EMILIN2: variants seen among roughly 807,000 people sequenced by gnomAD.
EMILIN2 encodes elastin microfibril interfacer 2.
A neutral mutation model predicts 87.1 loss-of-function variants in EMILIN2; 71 were observed. The ratio of observed to expected loss-of-function variants is 0.82; its 90% CI spans 0.67 to 0.99. EMILIN2 has a LOEUF of 0.99. EMILIN2 is among the 50% of genes least tolerant of loss of function. The pLI, the probability that EMILIN2 is intolerant of heterozygous loss-of-function variation, is 0.00. For synonymous variants in EMILIN2, 581 were observed against 563.4 expected (o/e 1.03, Z -0.44); for missense variants, 1,407 against 1,371.8 (o/e 1.03, Z -0.40).
rs1481405685 is a variant in EMILIN2, at chr18:2,848,869, G to A, written c.257+938G>A. 1.3e-5 allele frequency among the ~76,000 whole-genome samples: 2 copies of A among 152,210 alleles called. No individual in the cohort carries two copies. The highest frequency in any genetic ancestry group is 1.5e-5 in the Non-Finnish European group (1 of 68,042). ...CTGTCTTTGGCAAAACCAAGGGACAGACTGGAACTTGTACTCCAGGAAACC... is the reference window on the plus strand; with the variant it reads ...CTGTCTTTGGCAAAACCAAGGGACAAACTGGAACTTGTACTCCAGGAAACC... On this transcript the variant is annotated intron_variant, in intron 2 of 7. Transcript: ENST00000254528. This position sits in a 1 kb window ranked among gnomAD's most constrained non-coding sequence, Gnocchi z 4.1.
intron 4 of EMILIN2, among the ~76,000 whole-genome samples, chr18:2,897,861 C>CTT (rs199632096): frequency 1.5e-5 from 2 of 129,518 alleles, no homozygotes; most frequent in African/African-American, 6.0e-5. Flanking sequence ...AATCCTGTCT[C>CTT]TTTAAAAAAA....
At chr18:2,907,691 G>A (rs1164426288) in intron 5 of EMILIN2, among the ~76,000 whole-genome samples, 1 of 152,214 alleles carries the variant, frequency 6.6e-6, no homozygotes, top group Non-Finnish European at 1.5e-5. Context: ...AAGGAAGTGA[G>A]CATTTGTGGG....
chr18:2,877,349 AG>A (rs1213568491), intron 2 of EMILIN2, among the ~76,000 whole-genome samples: 45 of 152,124 alleles, frequency 3.0e-4, no homozygotes, highest in Non-Finnish European at 1.6e-4. Flanking sequence ...TGTTTAGCAA[AG>A]TGTCAATAAA....
intron 5 of EMILIN2, among the ~76,000 whole-genome samples, 164 bp downstream of exon 5, chr18:2,907,249 G>A (rs1446500346): frequency 6.6e-6 from 1 of 152,224 alleles, no homozygotes; most frequent in African/African-American, 2.4e-5. Flanking sequence ...GACCGCTCAT[G>A]CTAGTCCAGC....
chr18:2,847,080 G>A lies in EMILIN2; in HGVS notation c.-109G>A. The A allele has an allele frequency of 9.3e-7, 1 of 1,078,638 alleles. No homozygotes were observed. Among genetic ancestry groups the A allele is most frequent in the South Asian group, 2.4e-5 (1 of 42,360 alleles). 66.8% of individuals were successfully genotyped at this position (1,078,638 alleles called of 1,614,324 possible). A position where few individuals can be genotyped will look rare whatever the true frequency, so the allele number is the denominator to read the frequency against. On this transcript the variant is annotated 5_prime_UTR_variant, in exon 1 of 8. Transcript: ENST00000254528. The surrounding 1 kb of genome is among the most constrained non-coding windows in gnomAD (Gnocchi z 4.5). Reference sequence around the variant, plus strand: ...GGTTGGAGCGCCGCGAAGCGCCCGAGCCTCTTGCCTTCGCGGGCGGCGCCC... The same window carrying A: ...GGTTGGAGCGCCGCGAAGCGCCCGAACCTCTTGCCTTCGCGGGCGGCGCCC...
intron 2 of EMILIN2, among the ~76,000 whole-genome samples, chr18:2,875,452 T>C (rs1203909698): frequency 1.3e-5 from 2 of 152,160 alleles, no homozygotes; most frequent in Non-Finnish European, 2.9e-5. Context: ...AATGGGATAG[T>C]ATAGAATGTA....
rs1212096883 is a variant in EMILIN2, at chr18:2,897,566, A to G, written c.2359+5080A>G. Among the ~76,000 whole-genome samples, 7 of 152,302 alleles carry G rather than the reference A, an allele frequency of 4.6e-5. 1 individual carries two copies. In the South Asian group the frequency reaches 1.4e-3, roughly 32 times the overall value. ...TAAAATTAGCGTTCAAATAGACAGT[A>G]TAAAAAGCCTTAGAAATGGCTGGGC... On this transcript the variant is annotated intron_variant, in intron 4 of 7. Transcript: ENST00000254528.
At position 2,908,928 on chromosome 18, in the gene EMILIN2, C is replaced by T; in HGVS notation, c.2663-15C>T. 1 of 1,612,254 alleles carries T rather than the reference C, an allele frequency of 6.2e-7. No homozygotes were observed. Among genetic ancestry groups the T allele is most frequent in the South Asian group, 1.1e-5 (1 of 91,060 alleles). On this transcript the variant is annotated splice_polypyrimidine_tract_variant and intron_variant, in intron 5 of 7. Transcript: ENST00000254528. ...AGGGTCTTGTTTGACATGCCATTTCCTTTCTGTTTTTCAGGATACCCGAAG... is the reference window on the plus strand; with the variant it reads ...AGGGTCTTGTTTGACATGCCATTTCTTTTCTGTTTTTCAGGATACCCGAAG...
At position 2,847,102 on chromosome 18, in the gene EMILIN2, GC is replaced by G; in HGVS notation, c.-84del. 1.9e-6 allele frequency: 2 copies of G among 1,070,518 alleles called. No homozygotes were observed. Among genetic ancestry groups the G allele is most frequent in the South Asian group, 2.5e-5 (1 of 39,442 alleles). 66.3% of individuals were successfully genotyped at this position (1,070,518 alleles called of 1,614,324 possible). Reference sequence around the variant, plus strand: ...CGAGCCTCTTGCCTTCGCGGGCGGCGCCCTGGCCGCCGGCAGCCTTGTGGCC... The same window carrying G: ...CGAGCCTCTTGCCTTCGCGGGCGGCGCCTGGCCGCCGGCAGCCTTGTGGCC... On this transcript the variant is annotated 5_prime_UTR_variant, in exon 1 of 8. Coordinates refer to ENST00000254528, the MANE Select transcript of EMILIN2 (RefSeq NM_032048.3). This position sits in a 1 kb window ranked among gnomAD's most constrained non-coding sequence, Gnocchi z 4.5.
intron 2 of EMILIN2, among the ~76,000 whole-genome samples, chr18:2,860,687 A>G (rs950669482): frequency 6.6e-6 from 1 of 152,150 alleles, no homozygotes; most frequent in Non-Finnish European, 1.5e-5. Context: ...GAATAGTGCC[A>G]CAATAAACAT....
chr18:2,900,236 G>A (rs1346072272), intron 4 of EMILIN2, among the ~76,000 whole-genome samples: 4 of 152,044 alleles, frequency 2.6e-5, no homozygotes, highest in African/African-American at 7.3e-5. Context: ...TGCCCAGGCT[G>A]GAGTACAGTG....
chr18:2,891,570 A>G lies in EMILIN2; in HGVS notation c.1443A>G (p.Gly481=). The G allele has an allele frequency of 6.2e-7, 1 of 1,614,048 alleles. No individual in the cohort carries two copies. Among genetic ancestry groups the G allele is most frequent in the Non-Finnish European group, 8.5e-7 (1 of 1,180,032 alleles). ...AAACCCTTCGGGGCGCCATTAATGG[A>G]GAGGTGGGTGACTTGAAGCAGCTTG... The part of the protein sequence containing the change: ...IEETLRGAIN[G]EVGDLKQLVD... The change falls in exon 4 of 8, where the codon GGA becomes GGG. Residue 481 remains glycine (G), a synonymous_variant. Transcript: ENST00000254528. This position sits in a 1 kb window ranked among gnomAD's most constrained non-coding sequence, Gnocchi z 4.6.
intron 4 of EMILIN2, among the ~76,000 whole-genome samples, chr18:2,903,540 A>AC (rs112000088): frequency 0.017 from 2,521 of 150,874 alleles, 76 homozygotes; most frequent in African/African-American, 0.058. Flanking sequence ...TTGTATATTG[A>AC]CCCCCCCTTC....
rs143449378 is a variant in EMILIN2, at chr18:2,849,044, G to A, written c.257+1113G>A. The stretch of plus-strand genomic sequence containing the variant: ...TAAAACAAACAGAAACTTAGACGAG[G>A]TCCCCATTTCCTAATATACAGTGGA... On this transcript the variant is annotated intron_variant, in intron 2 of 7. Coordinates refer to ENST00000254528, the MANE Select transcript of EMILIN2 (RefSeq NM_032048.3). 4.1e-3 allele frequency among the ~76,000 whole-genome samples: 619 copies of A among 152,256 alleles called. 1 individual carries two copies. Among genetic ancestry groups the A allele is most frequent in the Middle Eastern group, 0.014 (4 of 294 alleles).
intron 4 of EMILIN2, among the ~76,000 whole-genome samples, chr18:2,903,655 C>A (rs1219604737): frequency 1.3e-5 from 2 of 152,156 alleles, no homozygotes; most frequent in Non-Finnish European, 2.9e-5. Flanking sequence ...TTACTTTTCT[C>A]TTAATTGGTA....
intron 2 of EMILIN2, among the ~76,000 whole-genome samples, chr18:2,872,704 T>C (rs1028680174): frequency 6.6e-5 from 10 of 152,222 alleles, no homozygotes; most frequent in African/African-American, 2.4e-4. Flanking sequence ...CTCTGATCTA[T>C]GACACAGCTT....
At chr18:2,889,682 TTTTTC>T (rs1233146508) in intron 3 of EMILIN2, among the ~76,000 whole-genome samples, 1 of 145,948 alleles carries the variant, frequency 6.9e-6, no homozygotes, top group Admixed American at 7.3e-5. Flanking sequence ...TCTTCTTCTT[TTTTTC>T]TTTTCTTTTT....
chr18:2,908,861 G>A (rs2076927286), intron 5 of EMILIN2, 82 bp from the exon 6 acceptor site: 6 of 1,531,194 alleles, frequency 3.9e-6, no homozygotes, highest in Non-Finnish European at 5.4e-6. Flanking sequence ...AACTTGTGAG[G>A]AGCAGAGGAA....
Position 2,847,978 on chromosome 18 carries a change from C to T in EMILIN2, c.257+47C>T, listed in dbSNP as rs1375708452. The T allele has an allele frequency of 1.3e-5, 8 of 610,230 alleles. No homozygotes were observed. Among genetic ancestry groups the T allele is most frequent in the Admixed American group, 2.6e-5 (1 of 37,848 alleles). The allele number at this position is 610,230 out of a possible 1,614,324, so 37.8% of individuals were successfully genotyped here. ...CGGGCGGGGCGCGCCCGGGCCGGGG[C>T]GGTGGGGGTGGGGTGGGGTTGCTGC... is the stretch of plus-strand genomic sequence containing the variant. On this transcript the variant is annotated intron_variant, in intron 2 of 7. Transcript: ENST00000254528. This position sits in a 1 kb window ranked among gnomAD's most constrained non-coding sequence, Gnocchi z 4.5.
Sources: gnomAD v4.1 joint callset for allele counts (sites outside exome capture counted in the v4.1 genomes callset) on GRCh38, gnomAD v4.1.1 for gene constraint, Gnocchi (gnomAD v3.1) non-coding constraint, MANE v1.5 for transcripts, NCBI Gene and HGNC (gene_info 2026-07-23, HGNC 2026-07-21) for gene names.